The following RBBP8NL variants were observed in gnomAD, a reference collection of about 807,000 sequenced individuals.
The protein encoded by RBBP8NL is RBBP8 N-terminal-like protein.
Under a neutral mutation model 62.2 loss-of-function variants are expected in RBBP8NL, and 59 were observed. That is an observed-to-expected ratio of 0.95 (90% confidence interval 0.77 to 1.18). The LOEUF (loss-of-function observed/expected upper bound fraction) is 1.18, where lower values mean the gene tolerates loss of function less well. Ranked by LOEUF, RBBP8NL falls within the 50% of genes most tolerant of loss-of-function variation. The probability of loss-of-function intolerance (pLI) is 0.00; values close to 1 mark genes in which losing one functional copy is unlikely to be tolerated. For synonymous variants in RBBP8NL, 412 were observed against 394.1 expected, an observed-to-expected ratio of 1.05 and a Z score of -0.54; for missense variants, 896 against 899.5, an observed-to-expected ratio of 1.00 and a Z score of 0.05.
chr20:62,412,951 T>C, intron 11 of RBBP8NL, 51 bp from the exon 12 acceptor site: 1 of 1,595,506 alleles, frequency 6.3e-7, no homozygotes, highest in Non-Finnish European at 8.6e-7. Context: ...ACCGGGAGTC[T>C]CCCGAGCCTG....
rs375171082 is a variant in RBBP8NL at position 62,416,093 on chromosome 20, C to T, written c.386+71G>A. The T allele has an allele frequency of 2.3e-3, 3,537 of 1,508,400 alleles. 113 individuals carry two copies. The South Asian group carries it at 0.039, about 16-fold the overall frequency. 93.4% of individuals were successfully genotyped at this position (1,508,400 alleles called of 1,614,324 possible). A position where few individuals can be genotyped will look rare whatever the true frequency, so the allele number is the denominator to read the frequency against. ...CCTCCATGGGCGGTTCCCCCAGGGA[C>T]GTGTGCTGGGTGCTGCTCGGGGGGT... On this transcript the variant is annotated intron_variant, in intron 6 of 13. Coordinates refer to ENST00000252998, the MANE Select transcript of RBBP8NL (RefSeq NM_080833.3).
rs1171522946 is a variant in RBBP8NL at position 62,413,962 on chromosome 20, C to T, written c.1389G>A (p.Gly463=). The T allele has an allele frequency of 1.3e-6, 2 of 1,577,116 alleles. No individual in the cohort carries two copies. The highest frequency in any genetic ancestry group is 2.7e-5 in the African/African-American group (2 of 74,212). Residue 463 remains glycine (G), a synonymous_variant, in exon 10 of 14, where the codon GGG becomes GGA. Transcript: ENST00000252998. The part of the protein sequence containing the change: ...QDTPKPAGQH[G]SLSPAAAHTA... ...TGTGGGCAGCGGCAGGGCTGAGTGA[C>T]CCATGCTGGCCGGCCGGCTTGGGAG...
At chr20:62,413,304 T>C in intron 11 of RBBP8NL, 97 bp downstream of exon 11, 6 of 1,338,602 alleles carry the variant, frequency 4.5e-6, no homozygotes, top group Non-Finnish European at 5.8e-6. Flanking sequence ...GAGCTGGGCC[T>C]GGAGACACCC....
chr20:62,415,434 G>A lies in RBBP8NL; in HGVS notation c.627+144C>T, dbSNP rs977010774. The A allele has an allele frequency of 1.1e-4, 145 of 1,355,582 alleles. 1 individual carries two copies. Among genetic ancestry groups the A allele is most frequent in the Non-Finnish European group, 1.3e-4 (131 of 984,698 alleles). The allele number at this position is 1,355,582 out of a possible 1,614,324, so 84.0% of individuals were successfully genotyped here. ...CACCCCCACCCACGCCAAATGGAGC[G>A]CAGTGGCTCCTGCCCGGGACAAAGG... On this transcript the variant is annotated intron_variant, in intron 8 of 13. Coordinates refer to ENST00000252998, the MANE Select transcript of RBBP8NL (RefSeq NM_080833.3).
chr20:62,424,968 G>T (rs1391625154), intron 1 of RBBP8NL, among the ~76,000 whole-genome samples: 2 of 152,176 alleles, frequency 1.3e-5, no homozygotes, highest in South Asian at 4.1e-4. Context: ...CTGGGCGGAG[G>T]GTAAAGGTGT....
Position 62,414,258 on chromosome 20 carries a change from G to T in RBBP8NL, c.1093C>A (p.Arg365=), listed in dbSNP as rs756766537. The T allele has an allele frequency of 6.3e-7, 1 of 1,590,338 alleles. No homozygotes were observed. Residue 365 remains arginine, a synonymous_variant, in exon 10 of 14, where the codon CGG becomes AGG. Coordinates refer to ENST00000252998, the MANE Select transcript of RBBP8NL (RefSeq NM_080833.3). ...ACACTGCCTGCCCTGGCCCTAGCCC[G>T]CAGCTGCTGCTGGGCCAGGAGCAGG... is the stretch of plus-strand genomic sequence containing the variant. ...LHLLLAQQQL[R]ARARAGSVRP... is the part of the protein sequence containing the mutation.
chr20:62,414,326 G>A lies in RBBP8NL; in HGVS notation c.1025C>T (p.Ala342Val). The A allele has an allele frequency of 1.3e-6, 2 of 1,559,050 alleles. No homozygotes were observed. The highest frequency in any genetic ancestry group is 1.7e-6 in the Non-Finnish European group (2 of 1,153,034). The change falls in exon 10 of 14, where the codon GCC (alanine) becomes GTC (valine). Residue 342 changes from alanine to valine, a missense_variant. Coordinates refer to ENST00000252998, the MANE Select transcript of RBBP8NL (RefSeq NM_080833.3). ...GCGAAGGTCCTGCATGCCCGCCAGG[G>A]CACTGGGCAGCCCCAGCAGTTCTGT... is the stretch of plus-strand genomic sequence containing the variant. ...EPTELLGLPS[A>V]LAGMQDLRLE...
intron 3 of RBBP8NL, among the ~76,000 whole-genome samples, chr20:62,417,749 C>T (rs1345081266): frequency 2.0e-5 from 2 of 101,454 alleles, no homozygotes; most frequent in African/African-American, 4.1e-5. Context: ...TCCTCTGTGA[C>T]GTCTGTCCTG....
At position 62,416,171 on chromosome 20, in the gene RBBP8NL, C is replaced by A; in HGVS notation, c.379G>T (p.Gly127Cys). 6.2e-7 allele frequency: 1 copy of A among 1,612,514 alleles called. No individual in the cohort carries two copies. Among genetic ancestry groups the A allele is most frequent in the Non-Finnish European group, 8.5e-7 (1 of 1,179,576 alleles). ...GGACCCTTTCCCACTCACCCCAGGC[C>A]CCGAAGCCGCTTCACCTCCTCCTTC... is the stretch of plus-strand genomic sequence containing the variant. The part of the protein sequence containing the change: ...TLKEEVKRLR[G>C]LGDRPKPRAK... The change falls in exon 6 of 14, where the codon GGC becomes TGC. Residue 127 changes from glycine to cysteine, a missense_variant. Physicochemically the swap from Gly to Cys is radical, Grantham distance 159 (BLOSUM62 -3). Transcript: ENST00000252998.
Position 62,416,800 on chromosome 20 carries a change from C to T in RBBP8NL, c.273G>A (p.Glu91=). The T allele has an allele frequency of 6.3e-7, 1 of 1,590,726 alleles. No homozygotes were observed. The highest frequency in any genetic ancestry group is 8.6e-7 in the Non-Finnish European group (1 of 1,168,368). The change falls in exon 5 of 14, where the codon GAG becomes GAA. Residue 91 remains glutamate (E), a synonymous_variant. Transcript: ENST00000252998. ...ELARKRQQEF[E]SSHLQNLQRI... is the part of the protein sequence containing the mutation. ...GCTGCAGGTTCTGCAGGTGGGAGCT[C>T]TCGAACTCCTGCTGCCGCTTCCTGG... is the stretch of plus-strand genomic sequence containing the variant.
intron 10 of RBBP8NL, 57 bp from the exon 11 acceptor site, chr20:62,413,602 C>T (rs1988486127): frequency 6.7e-7 from 1 of 1,494,576 alleles, no homozygotes; most frequent in Non-Finnish European, 8.9e-7. Context: ...TTGCCGCCAA[C>T]TCAGCCCTGG....
rs1334197018 is a variant in RBBP8NL at position 62,413,808 on chromosome 20, C to T, written c.1530+13G>A. On this transcript the variant is annotated intron_variant, in intron 10 of 13. Coordinates refer to ENST00000252998, the MANE Select transcript of RBBP8NL (RefSeq NM_080833.3). Reference sequence around the variant, plus strand: ...GCTGAGGACCGGGTCTGAGCCAGGACCGGGCTCCTTACCATGGGAGTGGAA... The same window carrying T: ...GCTGAGGACCGGGTCTGAGCCAGGATCGGGCTCCTTACCATGGGAGTGGAA... 3.2e-6 allele frequency: 5 copies of T among 1,584,184 alleles called. No individual in the cohort carries two copies. In the South Asian group the frequency reaches 5.8e-5, roughly 18 times the overall value.
Position 62,414,457 on chromosome 20 carries a change from C to T in RBBP8NL, c.894G>A (p.Leu298=). The T allele has an allele frequency of 6.7e-7, 1 of 1,492,546 alleles. No individual in the cohort carries two copies. The highest frequency in any genetic ancestry group is 9.0e-7 in the Non-Finnish European group (1 of 1,117,228). The allele number at this position is 1,492,546 out of a possible 1,614,324, so 92.5% of individuals were successfully genotyped here. A position where few individuals can be genotyped will look rare whatever the true frequency, so the allele number is the denominator to read the frequency against. Residue 298 remains leucine (L), a synonymous_variant, in exon 10 of 14, where the codon CTG becomes CTA. Transcript: ENST00000252998. ...GGCTGCTGTGGGGGCTCTGAAGGTG[C>T]AGGGACAGGGGGCGGTTTAGGAGGC... The part of the protein sequence containing the change: ...RLCLLNRPLS[L]HLQSPHSSPL...
intron 13 of RBBP8NL, 100 bp from the exon 14 acceptor site, chr20:62,411,096 G>T: frequency 1.3e-6 from 1 of 762,026 alleles, no homozygotes. Flanking sequence ...TGGGCACGGG[G>T]AGCTGGGTGC....
Position 62,414,387 on chromosome 20 carries a change from G to T in RBBP8NL, c.964C>A (p.Leu322Met). The change falls in exon 10 of 14, where the codon CTG becomes ATG. Residue 322 changes from leucine (L) to methionine (M), a missense_variant. By Grantham distance (15) the Leu-to-Met change is conservative (BLOSUM62 2). Coordinates refer to ENST00000252998, the MANE Select transcript of RBBP8NL (RefSeq NM_080833.3). ...CAGGCCTCTGCTTCTCTGGCCTTCA[G>T]GTCCTGGAGCCGGGGGTCGCTGGGG... is the stretch of plus-strand genomic sequence containing the variant. ...AAPSDPRLQD[L>M]KAREAEAWEE... 1 of 1,540,942 alleles carries T rather than the reference G, an allele frequency of 6.5e-7. No homozygotes were observed. The highest frequency in any genetic ancestry group is 2.4e-5 in the East Asian group (1 of 41,644).
chr20:62,421,165 T>A (rs541967231), intron 1 of RBBP8NL, among the ~76,000 whole-genome samples: 5 of 152,260 alleles, frequency 3.3e-5, no homozygotes, highest in Non-Finnish European at 7.3e-5. Flanking sequence ...CAGTTCAGAC[T>A]TCTTCACCGG....
chr20:62,414,834 A>C (rs1601486396), intron 9 of RBBP8NL, among the ~76,000 whole-genome samples: 2 of 152,290 alleles, frequency 1.3e-5, no homozygotes, highest in East Asian at 3.9e-4. Context: ...TCTTCTTGGC[A>C]GGGACATCGG....
At chr20:62,419,551 C>A in intron 2 of RBBP8NL, 36 bp downstream of exon 2, 1 of 1,601,792 alleles carries the variant, frequency 6.2e-7, no homozygotes, top group Non-Finnish European at 8.5e-7. Flanking sequence ...CTGTGGAGAC[C>A]CCTCCCTAGC....
chr20:62,418,353 C>A, intron 3 of RBBP8NL, 70 bp downstream of exon 3: 1 of 1,419,212 alleles, frequency 7.0e-7, no homozygotes. Flanking sequence ...TGCTGGCACA[C>A]TGGGGCTTCA....
Sources: allele counts gnomAD v4.1 joint callset (sites outside exome capture counted in the v4.1 genomes callset), GRCh38; gene constraint gnomAD v4.1.1; transcripts MANE v1.5; gene names NCBI Gene and HGNC (gene_info 2026-07-23, HGNC 2026-07-21).